Variants in MCM4 observed in about 807,000 individuals in gnomAD.
MCM4 encodes DNA replication licensing factor MCM4.
In MCM4, 60 loss-of-function variants were observed where a neutral mutation model predicts 88.7. That is an observed-to-expected ratio of 0.68 (90% CI 0.55 to 0.84). The LOEUF (loss-of-function observed/expected upper bound fraction) is 0.84. Ranked by LOEUF, MCM4 falls within the 40% of genes least tolerant of loss-of-function variation. The pLI is 0.00. For missense variants in MCM4, 1,149 were observed against 1,105.5 expected (o/e 1.04, Z -0.56); for synonymous variants, 465 against 410.5 (o/e 1.13, Z -1.61).
intron 11 of MCM4, 133 bp from the exon 12 acceptor site, chr8:47,970,378 G>A (rs1264919342): frequency 7.7e-6 from 9 of 1,171,868 alleles, no homozygotes; most frequent in South Asian, 3.0e-5. Context: ...GCACTTTCAC[G>A]AGCCTTTTTA....
In MCM4 at chr8:47,971,206, A is replaced by G. The variant is rs545799090; in HGVS notation, c.1801-135A>G. ...CTTATCCAGGTGAACTGCTGAAGTC[A>G]GTAAAGGCAACATGGCTCAGGCAAT... is the stretch of plus-strand genomic sequence containing the variant. On this transcript the variant is annotated intron_variant, in intron 12 of 16. Coordinates refer to ENST00000649973, the MANE Select transcript of MCM4 (RefSeq NM_182746.3). 569 of 1,020,926 alleles carry G rather than the reference A, an allele frequency of 5.6e-4. 8 individuals carry two copies. The South Asian group carries it at 8.3e-3, about 15-fold the overall frequency. 63.2% of individuals were successfully genotyped at this position (1,020,926 alleles called of 1,614,324 possible). A position where few individuals can be genotyped will look rare whatever the true frequency, so the allele number is the denominator to read the frequency against.
Position 47,961,692 on chromosome 8 carries a change from A to G in MCM4, c.235+12A>G. The G allele has an allele frequency of 6.3e-7, 1 of 1,596,562 alleles. No homozygotes were observed. Among genetic ancestry groups the G allele is most frequent in the East Asian group, 2.2e-5 (1 of 44,630 alleles). ...AATGCATTCTTCAGGTGCGTGTCTG[A>G]AGATCTTGGTTTTGCTGTGCTTGAT... On this transcript the variant is annotated intron_variant, in intron 3 of 16. Transcript: ENST00000649973.
intron 2 of MCM4, 123 bp from the exon 3 acceptor site, chr8:47,961,393 A>T (rs1026632724): frequency 1.1e-5 from 18 of 1,565,236 alleles, no homozygotes; most frequent in Non-Finnish European, 1.5e-5. Flanking sequence ...GCTTAATTCG[A>T]TTGCCATTTG....
intron 11 of MCM4, 85 bp downstream of exon 11, chr8:47,970,142 A>G (rs2090939140): frequency 4.1e-6 from 6 of 1,469,248 alleles, no homozygotes; most frequent in South Asian, 2.6e-5. Flanking sequence ...CACTCGAGCC[A>G]TCCGCCATAA....
chr8:47,969,762 G>A, intron 10 of MCM4, 36 bp from the exon 11 acceptor site: 1 of 1,610,564 alleles, frequency 6.2e-7, no homozygotes, highest in Non-Finnish European at 8.5e-7. Context: ...GGAAGATATG[G>A]GAAGGTAAAA....
chr8:47,966,375 C>G lies in MCM4; in HGVS notation c.1021C>G (p.His341Asp). The G allele has an allele frequency of 6.2e-7, 1 of 1,612,972 alleles. No individual in the cohort carries two copies. The highest frequency in any genetic ancestry group is 8.5e-7 in the Non-Finnish European group (1 of 1,179,272). ...CHTTHSMALI[H>D]NRSLFSDKQM... ...CACCACCCACAGCATGGCACTCATC[C>G]ACAACCGCTCCCTCTTCTCTGACAA... Residue 341 changes from histidine (H) to aspartate (D), a missense_variant, in exon 9 of 17, where the codon CAC (histidine) becomes GAC (aspartate). Coordinates refer to ENST00000649973, the MANE Select transcript of MCM4 (RefSeq NM_182746.3).
intron 14 of MCM4, 114 bp from the exon 15 acceptor site, chr8:47,974,620 C>T: frequency 1.3e-6 from 1 of 794,770 alleles, no homozygotes. Context: ...GGGCCCAGGA[C>T]CATATCTGAG....
rs1178628855 is a variant in MCM4, at chr8:47,970,618, C to T, written c.1542C>T (p.Thr514=). 6.2e-7 allele frequency: 1 copy of T among 1,614,016 alleles called. No homozygotes were observed. Among genetic ancestry groups the T allele is most frequent in the Non-Finnish European group, 8.5e-7 (1 of 1,180,032 alleles). ...INILLCGDPG[T]SKSQLLQYVY... is the part of the protein sequence containing the mutation. ...TCTTGCTGTGTGGCGACCCTGGTAC[C>T]AGCAAGTCCCAGCTGCTGCAGTACG... The change falls in exon 12 of 17, where the codon ACC becomes ACT. Residue 514 remains threonine, a synonymous_variant. Coordinates refer to ENST00000649973, the MANE Select transcript of MCM4 (RefSeq NM_182746.3).
chr8:47,960,993 G>T lies in MCM4; in HGVS notation c.-36G>T, dbSNP rs2090815544. On this transcript the variant is annotated 5_prime_UTR_variant, in exon 1 of 17. Transcript: ENST00000649973. ...GGACTCGGAGTCCGCGAGCGTCGTC[G>T]GCAAGCGGCCGCCTTTCCACGGTAA... The T allele has an allele frequency of 6.6e-6, 5 of 763,092 alleles. No homozygotes were observed. Among genetic ancestry groups the T allele is most frequent in the Non-Finnish European group, 7.7e-6 (4 of 520,700 alleles). The allele number at this position is 763,092 out of a possible 1,614,324, so 47.3% of individuals were successfully genotyped here. A position where few individuals can be genotyped will look rare whatever the true frequency, so the allele number is the denominator to read the frequency against.
At chr8:47,971,883 T>A (rs925223784) in intron 13 of MCM4, among the ~76,000 whole-genome samples, 4 of 152,186 alleles carry the variant, frequency 2.6e-5, no homozygotes, top group Non-Finnish European at 5.9e-5. Flanking sequence ...TTTTCTTTTT[T>A]TTTGACAGAA....
At chr8:47,967,588 C>A in intron 10 of MCM4, 103 bp downstream of exon 10, 1 of 1,438,488 alleles carries the variant, frequency 7.0e-7, no homozygotes, top group Non-Finnish European at 9.6e-7. Context: ...GTTCTACCTC[C>A]AGTTGTCACT....
chr8:47,968,717 A>AT (rs1321155758), intron 10 of MCM4, among the ~76,000 whole-genome samples: 2 of 152,258 alleles, frequency 1.3e-5, no homozygotes, highest in East Asian at 1.9e-4. Flanking sequence ...GACCCACTGA[A>AT]TAAACAAGGA....
Position 47,973,004 on chromosome 8 carries a change from CT to C in MCM4, c.2077del (p.Tyr693ThrfsTer10). The stretch of plus-strand genomic sequence containing the variant: ...TGGCGGTGCTAAAGGACTACATTGC[CT>C]ACGCGCACAGCACCATCATGCCGCG... ...DMAVLKDYIA[Y>X]AHSTIMPRLS... On this transcript the variant is annotated frameshift_variant, in exon 14 of 17. Transcript: ENST00000649973. LOFTEE classifies it high-confidence loss of function. 6.2e-7 allele frequency: 1 copy of C among 1,614,118 alleles called. No individual in the cohort carries two copies. The highest frequency in any genetic ancestry group is 8.5e-7 in the Non-Finnish European group (1 of 1,180,038).
rs573575025 is a variant in MCM4, at chr8:47,963,169, T to C, written c.693+129T>C. ...TTTAAGAAACTGAGTATCATCTCCT[T>C]TGGCCCGGTGTGGTGGCTCACACCT... On this transcript the variant is annotated intron_variant, in intron 7 of 16. Transcript: ENST00000649973. The C allele has an allele frequency of 3.3e-5, 20 of 597,244 alleles. No homozygotes were observed. In the East Asian group the frequency reaches 5.6e-4, roughly 17 times the overall value. The allele number at this position is 597,244 out of a possible 1,614,324, so 37.0% of individuals were successfully genotyped here. A position where few individuals can be genotyped will look rare whatever the true frequency, so the allele number is the denominator to read the frequency against.
At chr8:47,968,286 A>G (rs1293134970) in intron 10 of MCM4, among the ~76,000 whole-genome samples, 2 of 152,220 alleles carry the variant, frequency 1.3e-5, no homozygotes, top group African/African-American at 4.8e-5. Context: ...TCAGTGAGGC[A>G]GTGCTCACCC....
intron 10 of MCM4, 154 bp from the exon 11 acceptor site, chr8:47,969,644 G>A: frequency 1.5e-6 from 1 of 667,330 alleles, no homozygotes; most frequent in Non-Finnish European, 2.6e-6. Flanking sequence ...CTGGGCTTGG[G>A]AGGGTCATTT....
intron 3 of MCM4, 136 bp from the exon 4 acceptor site, chr8:47,961,917 G>A: frequency 1.1e-6 from 1 of 937,848 alleles, no homozygotes; most frequent in South Asian, 1.6e-5. Context: ...ATTTAAGAGT[G>A]CTCAGAATCT....
chr8:47,962,829 T>C lies in MCM4; in HGVS notation c.567T>C (p.Thr189=), dbSNP rs1447573406. The change falls in exon 6 of 17, where the codon ACT becomes ACC. Residue 189 remains threonine, a synonymous_variant. Transcript: ENST00000649973. ...AAGAAAATGTTGGCATAGATATTAC[T>C]GAACCTCTATACATGCAACGACTTG... ...KEEENVGIDI[T]EPLYMQRLGE... is the part of the protein sequence containing the mutation. 1.9e-6 allele frequency: 3 copies of C among 1,609,098 alleles called. No individual in the cohort carries two copies. Among genetic ancestry groups the C allele is most frequent in the Non-Finnish European group, 1.7e-6 (2 of 1,178,618 alleles).
chr8:47,974,332 C>A, intron 14 of MCM4: 1 of 178,848 alleles, frequency 5.6e-6, no homozygotes, highest in African/African-American at 2.3e-5. Flanking sequence ...TTATGAGCCC[C>A]ATTGTGCCCC....
Sources: allele counts gnomAD v4.1 joint callset (sites outside exome capture counted in the v4.1 genomes callset), GRCh38; gene constraint gnomAD v4.1.1; transcripts MANE v1.5; gene names NCBI Gene and HGNC (gene_info 2026-07-23, HGNC 2026-07-21).